FBXO31: variants seen among roughly 807,000 people sequenced by gnomAD.
FBXO31 encodes F-box protein 31, also known as F-box only protein 31.
In FBXO31, 24 loss-of-function variants were observed where a neutral mutation model predicts 54.4. That is an observed-to-expected ratio of 0.44 (90% CI 0.32 to 0.62). The LOEUF is 0.62. FBXO31 is among the 20% of genes least tolerant of loss of function. FBXO31 has a pLI of 0.05. For missense variants in FBXO31, 665 were observed against 787.1 expected, an observed-to-expected ratio of 0.84 and a Z score of 1.86; for synonymous variants, 388 against 335.6, an observed-to-expected ratio of 1.16 and a Z score of -1.71.
chr16:87,343,852 A>G, intron 3 of FBXO31, 87 bp from the exon 4 acceptor site: 2 of 1,418,528 alleles, frequency 1.4e-6, no homozygotes, highest in South Asian at 2.6e-5. Context: ...CTGCAATGGC[A>G]CAGAGAAGCT....
chr16:87,334,495 G>A (rs912260445), intron 7 of FBXO31, among the ~76,000 whole-genome samples: 1 of 152,224 alleles, frequency 6.6e-6, no homozygotes, highest in Non-Finnish European at 1.5e-5. Context: ...GAGGACGGTG[G>A]CTCATACCTG....
rs1205242309 is a variant in FBXO31 at position 87,334,092 on chromosome 16, G to A, written c.1191C>T (p.Pro397=). Residue 397 remains proline (P), a synonymous_variant, in exon 8 of 9, where the codon CCC becomes CCT. Transcript: ENST00000311635. ...EAGEGRGRQG[P]RESQPSPAQP... is the part of the protein sequence containing the mutation. ...GGGCAGGGCTTGGCTGGGACTCCCG[G>A]GGGCCCTGCCGGCCACGACCCTCGC... 6.2e-7 allele frequency: 1 copy of A among 1,610,320 alleles called. No individual in the cohort carries two copies. The highest frequency in any genetic ancestry group is 1.1e-5 in the South Asian group (1 of 90,892).
intron 1 of FBXO31, among the ~76,000 whole-genome samples, chr16:87,382,243 C>T (rs568815804): frequency 6.6e-6 from 1 of 152,334 alleles, no homozygotes; most frequent in African/African-American, 2.4e-5. Context: ...ACTACACTGT[C>T]TCTAAGAGAA....
intron 1 of FBXO31, among the ~76,000 whole-genome samples, chr16:87,365,010 A>AATATATATATAT (rs55746745): frequency 0.029 from 1,385 of 47,590 alleles, 230 homozygotes; most frequent in Admixed American, 0.055. Flanking sequence ...CCGTCTCTTA[A>AATATATATATAT]ATATATATAT....
chr16:87,391,851 G>C (rs1390354565), upstream of FBXO31: 1 of 152,368 alleles, frequency 6.6e-6, no homozygotes, highest in Non-Finnish European at 1.5e-5. Flanking sequence ...TGCCCTGCGC[G>C]CCTCAGCCCC....
At position 87,346,687 on chromosome 16, in the gene FBXO31, A is replaced by C. The variant is rs1905401321; in HGVS notation, c.489+487T>G. On this transcript the variant is annotated intron_variant, in intron 3 of 8. Transcript: ENST00000311635. This position sits in a 1 kb window ranked among gnomAD's most constrained non-coding sequence, Gnocchi z 4.2. ...GGGCCAGCCACCTGCCCAGAGCTCA[A>C]CAAAGTCAGAGCAGGGCTTTCCGTT... Among the ~76,000 whole-genome samples, 1 of 152,240 alleles carries C rather than the reference A, an allele frequency of 6.6e-6. No individual in the cohort carries two copies. The highest frequency in any genetic ancestry group is 1.5e-5 in the Non-Finnish European group (1 of 68,036).
chr16:87,376,219 C>A (rs117722164), intron 1 of FBXO31, among the ~76,000 whole-genome samples: 4,049 of 152,190 alleles, frequency 0.027, 95 homozygotes, highest in Middle Eastern at 0.041. Context: ...CTTTTTCCCA[C>A]TCCCATTTTT....
At chr16:87,368,999 GC>G (rs1251856112) in intron 1 of FBXO31, among the ~76,000 whole-genome samples, 1 of 151,970 alleles carries the variant, frequency 6.6e-6, no homozygotes, top group Non-Finnish European at 1.5e-5. Context: ...ACGGGGTTTC[GC>G]CATGTCTCGA....
At chr16:87,359,043 T>C (rs1203086854) in intron 2 of FBXO31, among the ~76,000 whole-genome samples, 1 of 152,180 alleles carries the variant, frequency 6.6e-6, no homozygotes, top group Non-Finnish European at 1.5e-5. Flanking sequence ...GCTAAGTAAT[T>C]TTCTCCTGGA....
chr16:87,345,953 G>T lies in FBXO31; in HGVS notation c.489+1221C>A, dbSNP rs1214327094. 6.6e-6 allele frequency among the ~76,000 whole-genome samples: 1 copy of T among 152,230 alleles called. No individual in the cohort carries two copies. On this transcript the variant is annotated intron_variant, in intron 3 of 8. Coordinates refer to ENST00000311635, the MANE Select transcript of FBXO31 (RefSeq NM_024735.5). This position sits in a 1 kb window ranked among gnomAD's most constrained non-coding sequence, Gnocchi z 4.9. Reference sequence around the variant, plus strand: ...GAACACAGCCCCATGCTGCACACAGGCAGTTGCACGAGGCACCTGCGGAAT... The same window carrying T: ...GAACACAGCCCCATGCTGCACACAGTCAGTTGCACGAGGCACCTGCGGAAT...
In FBXO31 at chr16:87,335,388, G is replaced by A. The variant is rs544792899; in HGVS notation, c.912C>T (p.Leu304=). 3 of 1,614,032 alleles carry A rather than the reference G, an allele frequency of 1.9e-6. No individual in the cohort carries two copies. The highest frequency in any genetic ancestry group is 1.7e-5 in the Admixed American group (1 of 60,036). ...SRPDDLIKPG[L]FKGTYGSHGL... ...CGTGGCTGCCATAGGTACCTTTGAAGAGGCCAGGCTTGATGAGGTCGTCGG... is the reference window on the plus strand; with the variant it reads ...CGTGGCTGCCATAGGTACCTTTGAAAAGGCCAGGCTTGATGAGGTCGTCGG... The change falls in exon 7 of 9, where the codon CTC becomes CTT. Residue 304 remains leucine (L), a synonymous_variant. Coordinates refer to ENST00000311635, the MANE Select transcript of FBXO31 (RefSeq NM_024735.5). The surrounding 1 kb of genome is among the most constrained non-coding windows in gnomAD (Gnocchi z 5.7).
At chr16:87,370,639 G>A (rs1468620194) in intron 1 of FBXO31, among the ~76,000 whole-genome samples, 1 of 152,184 alleles carries the variant, frequency 6.6e-6, no homozygotes, top group African/African-American at 2.4e-5. Flanking sequence ...ACCCGAGGGA[G>A]AGGGCCCTGT....
upstream of FBXO31, chr16:87,391,518 A>G (rs1907549198): frequency 6.6e-6 from 1 of 152,266 alleles, no homozygotes; most frequent in Non-Finnish European, 1.5e-5. Context: ...TGGGAGGCTG[A>G]GGGGTAGACA....
intron 2 of FBXO31, among the ~76,000 whole-genome samples, chr16:87,350,013 A>G (rs2150678972): frequency 6.6e-6 from 1 of 152,298 alleles, no homozygotes; most frequent in South Asian, 2.1e-4. Flanking sequence ...CCCATCACTC[A>G]GAGACCACAT....
rs371015325 is a variant in FBXO31 at position 87,334,284 on chromosome 16, G to A, written c.999C>T (p.Gly333=). 150 of 1,566,828 alleles carry A rather than the reference G, an allele frequency of 9.6e-5. No individual in the cohort carries two copies. Among genetic ancestry groups the A allele is most frequent in the Non-Finnish European group, 1.2e-4 (136 of 1,153,744 alleles). ...GRRARGTKIT[G]DPNIPAGQQT... ...GCTGCCCAGCGGGGATGTTGGGGTC[G>A]CCCTGTGGAGCAGGTGGCAGTCAGC... The change falls in exon 8 of 9, where the codon GGC becomes GGT. Residue 333 remains glycine (G), a splice_region_variant and synonymous_variant. Transcript: ENST00000311635.
chr16:87,341,832 C>T (rs1375065135), intron 5 of FBXO31, among the ~76,000 whole-genome samples: 1 of 152,152 alleles, frequency 6.6e-6, no homozygotes, highest in East Asian at 1.9e-4. Context: ...CAAAGAATTC[C>T]GAGAAACAGG....
chr16:87,389,530 T>C (rs1007810693), intron 1 of FBXO31: 1 of 152,206 alleles, frequency 6.6e-6, no homozygotes, highest in Non-Finnish European at 1.5e-5. Flanking sequence ...ATTTTTTCCC[T>C]TCTTCTTGCA....
intron 1 of FBXO31, among the ~76,000 whole-genome samples, chr16:87,382,293 C>T (rs1301165714): frequency 6.6e-6 from 1 of 152,186 alleles, no homozygotes; most frequent in Non-Finnish European, 1.5e-5. Flanking sequence ...AAGGTACACA[C>T]GACTCAGAGG....
intron 3 of FBXO31, 123 bp downstream of exon 3, chr16:87,347,051 G>C (rs1393750797): frequency 3.6e-6 from 3 of 842,378 alleles, no homozygotes; most frequent in East Asian, 4.9e-5. Context: ...GAATTTTTTG[G>C]TAATTACCTC....
Sources: gnomAD v4.1 joint callset for allele counts (sites outside exome capture counted in the v4.1 genomes callset) on GRCh38, gnomAD v4.1.1 for gene constraint, Gnocchi (gnomAD v3.1) non-coding constraint, MANE v1.5 for transcripts, NCBI Gene and HGNC (gene_info 2026-07-23, HGNC 2026-07-21) for gene names.